The following CACNA2D3 variants were observed in gnomAD, a reference collection of about 807,000 sequenced individuals.
The protein encoded by CACNA2D3 is calcium voltage-gated channel auxiliary subunit alpha2delta 3.
CACNA2D3 carries 60 observed loss-of-function variants against 160.6 expected under a neutral mutation model. The ratio of observed to expected loss-of-function variants is 0.37; its 90% CI spans 0.30 to 0.46. The LOEUF (loss-of-function observed/expected upper bound fraction) is 0.46, where lower values mean the gene tolerates loss of function less well. Ranked by LOEUF, CACNA2D3 falls within the 20% of genes least tolerant of loss-of-function variation. The pLI is 1.00. For synonymous variants in CACNA2D3, 558 were observed against 492.9 expected (o/e 1.13, Z -1.75); for missense variants, 1,205 against 1,365.0 (o/e 0.88, Z 1.85).
At chr3:54,702,841 A>T (rs1349698991) in intron 11 of CACNA2D3, among the ~76,000 whole-genome samples, 2 of 152,214 alleles carry the variant, frequency 1.3e-5, no homozygotes, top group South Asian at 2.1e-4. Context: ...ATGCCTGTAA[A>T]TGGTGGATTG....
Position 55,073,504 on chromosome 3 carries a change from G to A in CACNA2D3, c.3047G>A (p.Ser1016Asn), listed in dbSNP as rs745531715. 4 of 1,613,826 alleles carry A rather than the reference G, an allele frequency of 2.5e-6. No individual in the cohort carries two copies. Among genetic ancestry groups the A allele is most frequent in the African/African-American group, 1.3e-5 (1 of 74,906 alleles). The change falls in exon 36 of 38, where the codon AGC (serine) becomes AAC (asparagine). Residue 1016 changes from serine (S) to asparagine (N), a missense_variant. By Grantham distance (46) the Ser-to-Asn change is conservative (BLOSUM62 1). Transcript: ENST00000474759. ...SNLFMVVVDSSCLCESVAPIT... is the reference protein window; with the variant it reads ...SNLFMVVVDSNCLCESVAPIT... ...CTGTTCATGGTGGTGGTGGACAGCA[G>A]CTGCCTCTGTGAATCTGTGGCCCCC...
Position 54,864,065 on chromosome 3 carries a change from G to C in CACNA2D3, c.1627-7474G>C, listed in dbSNP as rs1221144385. Among the ~76,000 whole-genome samples the C allele has an allele frequency of 2.0e-5, 3 of 152,230 alleles. No individual in the cohort carries two copies. The East Asian group carries it at 5.8e-4, about 29-fold the overall frequency. ...TCTATGTCGTCCCATTGGGCATCTTGTCTAGAGAAATCTGGGCTGTCAGGG... is the reference window on the plus strand; with the variant it reads ...TCTATGTCGTCCCATTGGGCATCTTCTCTAGAGAAATCTGGGCTGTCAGGG... On this transcript the variant is annotated intron_variant, in intron 17 of 37. Transcript: ENST00000474759.
At chr3:54,954,254 T>G (rs1701826812) in intron 27 of CACNA2D3, among the ~76,000 whole-genome samples, 1 of 152,170 alleles carries the variant, frequency 6.6e-6, no homozygotes, top group Admixed American at 6.5e-5. Context: ...TTCGAGTCAG[T>G]CGGCAGCTCC....
chr3:54,867,786 A>G (rs1699436993), intron 17 of CACNA2D3, among the ~76,000 whole-genome samples: 1 of 152,208 alleles, frequency 6.6e-6, no homozygotes, highest in East Asian at 1.9e-4. Context: ...CTTTTCCTGG[A>G]TAAATCCAGG....
rs576210862 is a variant in CACNA2D3, at chr3:54,698,986, T to C, written c.1168-53613T>C. Among the ~76,000 whole-genome samples the C allele has an allele frequency of 2.6e-5, 4 of 152,252 alleles. No homozygotes were observed. The East Asian group carries it at 7.8e-4, about 30-fold the overall frequency. On this transcript the variant is annotated intron_variant, in intron 11 of 37. Coordinates refer to ENST00000474759, the MANE Select transcript of CACNA2D3 (RefSeq NM_018398.3). ...CTTCAGAGTGGAATTATTGAAATCA[T>C]AGGAGACATTTAGGTAAGAAGGGTG...
rs192488854 is a variant in CACNA2D3, at chr3:54,608,205, T to C, written c.964-19582T>C. 2.4e-3 allele frequency among the ~76,000 whole-genome samples: 360 copies of C among 152,350 alleles called. 3 individuals carry two copies. Among genetic ancestry groups the C allele is most frequent in the African/African-American group, 8.3e-3 (345 of 41,584 alleles). ...GTCTGTAGTTAGGTTAACAGTGTTATACCACTGTCAGTTTCCTGGGTTTGA... is the reference window on the plus strand; with the variant it reads ...GTCTGTAGTTAGGTTAACAGTGTTACACCACTGTCAGTTTCCTGGGTTTGA... On this transcript the variant is annotated intron_variant, in intron 9 of 37. Coordinates refer to ENST00000474759, the MANE Select transcript of CACNA2D3 (RefSeq NM_018398.3).
At chr3:54,697,362 A>T (rs943197115) in intron 11 of CACNA2D3, among the ~76,000 whole-genome samples, 2 of 152,158 alleles carry the variant, frequency 1.3e-5, no homozygotes, top group African/African-American at 4.8e-5. Flanking sequence ...AGGTATCTGC[A>T]TGTTAACAAG....
intron 11 of CACNA2D3, among the ~76,000 whole-genome samples, chr3:54,655,391 A>G (rs1205718549): frequency 2.6e-5 from 4 of 152,386 alleles, no homozygotes; most frequent in South Asian, 4.1e-4. Flanking sequence ...CACAGTACAC[A>G]ATGGCTATAT....
chr3:54,568,333 A>G (rs1282129862), intron 6 of CACNA2D3, among the ~76,000 whole-genome samples: 2 of 152,334 alleles, frequency 1.3e-5, no homozygotes, highest in African/African-American at 4.8e-5. Context: ...ATAGGGATTT[A>G]CGTACATTCT....
At chr3:54,445,505 C>T (rs1700207327) in intron 4 of CACNA2D3, among the ~76,000 whole-genome samples, 1 of 148,902 alleles carries the variant, frequency 6.7e-6, no homozygotes, top group Non-Finnish European at 1.5e-5. Flanking sequence ...TGTTTTTGTA[C>T]ATATATATGT....
At chr3:54,794,539 G>C (rs1019647479) in intron 13 of CACNA2D3, among the ~76,000 whole-genome samples, 1 of 151,000 alleles carries the variant, frequency 6.6e-6, no homozygotes, top group Non-Finnish European at 1.5e-5. Flanking sequence ...TTTTTCTTCA[G>C]TCTGAAGAAT....
intron 2 of CACNA2D3, among the ~76,000 whole-genome samples, chr3:54,151,756 G>A (rs192556804): frequency 1.7e-4 from 26 of 152,272 alleles, no homozygotes; most frequent in African/African-American, 5.5e-4. Context: ...TGCTCCTTAA[G>A]CCCTTCCTGT....
At chr3:54,703,728 T>C (rs925586302) in intron 11 of CACNA2D3, among the ~76,000 whole-genome samples, 1 of 152,182 alleles carries the variant, frequency 6.6e-6, no homozygotes, top group Non-Finnish European at 1.5e-5. Context: ...TTCACACTGA[T>C]GTTGTATCAT....
At chr3:54,913,348 G>C (rs1559626607) in intron 27 of CACNA2D3, among the ~76,000 whole-genome samples, 1 of 152,152 alleles carries the variant, frequency 6.6e-6, no homozygotes, top group Non-Finnish European at 1.5e-5. Context: ...AGCTATCCTT[G>C]AGCAGTATTC....
chr3:54,883,036 T>G (rs1699838964), intron 21 of CACNA2D3, among the ~76,000 whole-genome samples: 1 of 152,200 alleles, frequency 6.6e-6, no homozygotes, highest in African/African-American at 2.4e-5. Context: ...TTTGTGTGTG[T>G]GTGTGATGGA....
rs547875251 is a variant in CACNA2D3 at position 54,362,538 on chromosome 3, A to T, written c.322-24177A>T. Among the ~76,000 whole-genome samples, 160 of 152,294 alleles carry T rather than the reference A, an allele frequency of 1.1e-3. 1 individual carries two copies. The highest frequency in any genetic ancestry group is 1.0e-3 in the Non-Finnish European group (71 of 68,014). ...GGAGGGGAGTGTGCAGCACATATTG[A>T]CCAGGGCCATGGGGATCTTGGCTGA... On this transcript the variant is annotated intron_variant, in intron 3 of 37. Coordinates refer to ENST00000474759, the MANE Select transcript of CACNA2D3 (RefSeq NM_018398.3).
intron 27 of CACNA2D3, chr3:54,967,035 C>T (rs1702168450): frequency 6.6e-6 from 1 of 152,210 alleles, no homozygotes; most frequent in African/African-American, 2.4e-5. Context: ...ACGAAGGACA[C>T]TTAAGGCAGA....
rs775379312 is a variant in CACNA2D3, at chr3:54,837,230, C to T, written c.1470C>T (p.Thr490=). 4.3e-5 allele frequency: 69 copies of T among 1,613,446 alleles called. No homozygotes were observed. Among genetic ancestry groups the T allele is most frequent in the Non-Finnish European group, 5.2e-5 (61 of 1,179,534 alleles). The change falls in exon 15 of 38, where the codon ACC becomes ACT. Residue 490 remains threonine (T), a splice_region_variant and synonymous_variant. Transcript: ENST00000474759. Reference sequence around the variant, plus strand: ...CTGTGTTTAGTAAGCAGAACGAAACCGTGAGTACAGTCGCTGAGCTTCCTG... The same window carrying T: ...CTGTGTTTAGTAAGCAGAACGAAACTGTGAGTACAGTCGCTGAGCTTCCTG... ...AMPVFSKQNE[T]RSKGILLGVV... is the part of the protein sequence containing the mutation.
rs142801668 is a variant in CACNA2D3, at chr3:54,131,285, C to T, written c.204+7691C>T. Among the ~76,000 whole-genome samples the T allele has an allele frequency of 1.6e-3, 238 of 152,310 alleles. 1 individual carries two copies. Among genetic ancestry groups the T allele is most frequent in the Middle Eastern group, 0.01 (3 of 294 alleles). On this transcript the variant is annotated intron_variant, in intron 2 of 37. Coordinates refer to ENST00000474759, the MANE Select transcript of CACNA2D3 (RefSeq NM_018398.3). ...CAGAGCAGGAGGAAGGCTGCAGTGG[C>T]GGCGGCCTCTGTCAAGATATGCACC...
Sources: allele counts gnomAD v4.1 joint callset (sites outside exome capture counted in the v4.1 genomes callset), GRCh38; gene constraint gnomAD v4.1.1; transcripts MANE v1.5; gene names NCBI Gene and HGNC (gene_info 2026-07-23, HGNC 2026-07-21).